HYCC2: variants seen among roughly 807,000 people sequenced by gnomAD.
HYCC2 encodes hyccin PI4KA lipid kinase complex subunit 2.
chr2:201,066,609 G>A, the HYCC2 span: 1 of 152,140 alleles, frequency 6.6e-6, no homozygotes, highest in Non-Finnish European at 1.5e-5. Flanking sequence ...AATATGGAAA[G>A]GAATTTAAGG....
chr2:201,063,533 G>C, the HYCC2 span: 11 of 1,590,906 alleles, frequency 6.9e-6, no homozygotes, highest in African/African-American at 8.0e-5. Flanking sequence ...AAGGGGCTTT[G>C]CCTTTGTAAC....
At chr2:200,974,254 T>C in the HYCC2 span, 1 of 151,918 alleles carries the variant, frequency 6.6e-6, no homozygotes, top group African/African-American at 2.4e-5. Context: ...TATCCTTTTA[T>C]GAAGCAAACA....
At chr2:201,055,160 G>T in the HYCC2 span, among the ~76,000 whole-genome samples, 1 of 151,754 alleles carries the variant, frequency 6.6e-6, no homozygotes, top group African/African-American at 2.4e-5. Flanking sequence ...TTGAAATATT[G>T]GCATCTTTTT....
At chr2:200,988,547 T>C in the HYCC2 span, 1 of 601,918 alleles carries the variant, frequency 1.7e-6, no homozygotes, top group Non-Finnish European at 2.7e-6. Context: ...AAACATATCT[T>C]TGTTGTTCTG....
chr2:201,063,854 G>C, the HYCC2 span: 4 of 1,591,782 alleles, frequency 2.5e-6, no homozygotes, highest in Non-Finnish European at 3.4e-6. Flanking sequence ...CCATTTTGGA[G>C]GTGGTGGAAG....
the HYCC2 span, among the ~76,000 whole-genome samples, chr2:201,033,290 G>C: frequency 6.6e-5 from 10 of 151,622 alleles, no homozygotes; most frequent in Non-Finnish European, 1.5e-4. Flanking sequence ...TCACAGCCTT[G>C]ACTTTCCAGG....
the HYCC2 span, among the ~76,000 whole-genome samples, chr2:201,033,037 T>C: frequency 2.0e-5 from 3 of 151,988 alleles, no homozygotes; most frequent in Non-Finnish European, 4.4e-5. Flanking sequence ...TTTTTTTAAA[T>C]GTATATTACT....
chr2:201,035,218 C>A, the HYCC2 span, among the ~76,000 whole-genome samples: 1 of 152,216 alleles, frequency 6.6e-6, no homozygotes, highest in African/African-American at 2.4e-5. Context: ...GTTCCATTCT[C>A]CCCGTCACTT....
chr2:200,992,412 T>C, the HYCC2 span: 5 of 1,260,052 alleles, frequency 4.0e-6, no homozygotes, highest in Non-Finnish European at 5.8e-6. Context: ...AAATATCTAA[T>C]CTTCAGCACA....
chr2:201,044,453 G>A, the HYCC2 span, among the ~76,000 whole-genome samples: 1 of 152,184 alleles, frequency 6.6e-6, no homozygotes, highest in East Asian at 1.9e-4. Flanking sequence ...CTGCTGGAAT[G>A]TGATCTGAAG....
chr2:201,050,603 A>G, the HYCC2 span, among the ~76,000 whole-genome samples: 5 of 151,574 alleles, frequency 3.3e-5, no homozygotes, highest in African/African-American at 1.2e-4. Flanking sequence ...AAAAAAGAAA[A>G]AAAAAAAAAA....
the HYCC2 span, among the ~76,000 whole-genome samples, chr2:201,003,881 G>A: frequency 2.2e-5 from 3 of 137,504 alleles, no homozygotes; most frequent in South Asian, 2.4e-4. Context: ...GCACAATCTC[G>A]GCTCACTGCA....
chr2:201,060,209 C>T, the HYCC2 span, among the ~76,000 whole-genome samples: 234 of 152,202 alleles, frequency 1.5e-3, 1 homozygote, highest in Middle Eastern at 3.4e-3. Flanking sequence ...CACTACTAGG[C>T]GGTCAGCAGC....
At chr2:201,029,624 T>G in the HYCC2 span, among the ~76,000 whole-genome samples, 3 of 152,198 alleles carry the variant, frequency 2.0e-5, no homozygotes, top group Non-Finnish European at 4.4e-5. Context: ...TTCATGTCTT[T>G]TGTAGGGACA....
At chr2:201,036,514 G>A in the HYCC2 span, among the ~76,000 whole-genome samples, 15 of 152,144 alleles carry the variant, frequency 9.9e-5, no homozygotes, top group East Asian at 5.8e-4. Context: ...CTGGCAAACC[G>A]AATCCAGCAA....
At chr2:201,071,586 C>A in the HYCC2 span, 1 of 152,866 alleles carries the variant, frequency 6.5e-6, no homozygotes, top group Non-Finnish European at 1.5e-5. Context: ...CTTTGCCTCC[C>A]CCAAAGACAG....
chr2:201,022,134 C>A, the HYCC2 span: 1 of 1,281,466 alleles, frequency 7.8e-7, no homozygotes, highest in Non-Finnish European at 1.0e-6. Flanking sequence ...TAAGAAGCTA[C>A]TTTCCTGTGT....
At chr2:201,016,655 A>C in the HYCC2 span, among the ~76,000 whole-genome samples, 2 of 149,864 alleles carry the variant, frequency 1.3e-5, no homozygotes, top group African/African-American at 4.9e-5. Flanking sequence ...GCTGGAGTGC[A>C]GTGGTACAAT....
At chr2:201,056,181 G>A in the HYCC2 span, among the ~76,000 whole-genome samples, 6 of 151,376 alleles carry the variant, frequency 4.0e-5, no homozygotes, top group African/African-American at 1.2e-4. Flanking sequence ...GCAAGAGTGC[G>A]AGACTCCGTC....
Sources: allele counts gnomAD v4.1 joint callset (sites outside exome capture counted in the v4.1 genomes callset), GRCh38; gene constraint gnomAD v4.1.1; transcripts MANE v1.5; gene names NCBI Gene and HGNC (gene_info 2026-07-23, HGNC 2026-07-21).